Variants in BANK1 observed in about 807,000 individuals in gnomAD.
The protein encoded by BANK1 is B cell scaffold protein with ankyrin repeats 1, also known as B-cell scaffold protein with ankyrin repeats.
BANK1 carries 95 observed loss-of-function variants against 94.5 expected under a neutral mutation model. That is an observed-to-expected ratio of 1.00 (90% CI 0.85 to 1.19). The LOEUF (loss-of-function observed/expected upper bound fraction) is 1.19, where lower values mean the gene tolerates loss of function less well. Ranked by LOEUF, BANK1 falls within the 50% of genes most tolerant of loss-of-function variation. The pLI, the probability that BANK1 is intolerant of heterozygous loss-of-function variation, is 0.00. For missense variants in BANK1, 987 were observed against 932.2 expected (o/e 1.06, Z -0.77); for synonymous variants, 334 against 308.4 (o/e 1.08, Z -0.87).
At chr4:102,065,164 C>T (rs766560851) in intron 13 of BANK1, among the ~76,000 whole-genome samples, 1 of 152,102 alleles carries the variant, frequency 6.6e-6, no homozygotes. Context: ...GAGATCTTAA[C>T]ACCTCCATAA....
chr4:101,841,344 G>A (rs1402560609), intron 2 of BANK1, among the ~76,000 whole-genome samples: 3 of 152,074 alleles, frequency 2.0e-5, no homozygotes, highest in African/African-American at 7.2e-5. Flanking sequence ...CTGTTTAAAA[G>A]TTGAGAGAAT....
At chr4:101,853,013 C>A (rs1042642515) in intron 2 of BANK1, among the ~76,000 whole-genome samples, 8 of 152,034 alleles carry the variant, frequency 5.3e-5, no homozygotes, top group African/African-American at 1.9e-4. Flanking sequence ...TTTATACAAC[C>A]TTTCACTGTT....
At chr4:101,901,691 T>A (rs1233255708) in intron 6 of BANK1, among the ~76,000 whole-genome samples, 1 of 151,874 alleles carries the variant, frequency 6.6e-6, no homozygotes, top group Admixed American at 6.6e-5. Context: ...AAGAGGCAGA[T>A]GATAAAAAGC....
At chr4:101,951,633 G>A (rs1724158091) in intron 7 of BANK1, among the ~76,000 whole-genome samples, 1 of 151,996 alleles carries the variant, frequency 6.6e-6, no homozygotes, top group South Asian at 2.1e-4. Context: ...ATATAATGCG[G>A]ATGTTTATGG....
At chr4:101,867,765 T>TATAA (rs59989392) in intron 4 of BANK1, among the ~76,000 whole-genome samples, 48,348 of 147,488 alleles carry the variant, frequency 0.33, 8,184 homozygotes, top group African/African-American at 0.35. Flanking sequence ...AAAAAATAAA[T>TATAA]ATAAATAAAT....
At chr4:102,052,579 C>A (rs1055225422) in intron 11 of BANK1, among the ~76,000 whole-genome samples, 5 of 151,998 alleles carry the variant, frequency 3.3e-5, no homozygotes, top group Non-Finnish European at 7.4e-5. Flanking sequence ...ATCAAAAGCA[C>A]CAAGCTATCA....
chr4:102,072,536 G>A, intron 15 of BANK1, 136 bp downstream of exon 15: 1 of 569,618 alleles, frequency 1.8e-6, no homozygotes, highest in Non-Finnish European at 3.0e-6. Flanking sequence ...GTGTGCCTTT[G>A]TGTGCAAAAT....
intron 11 of BANK1, among the ~76,000 whole-genome samples, chr4:102,045,821 T>C (rs1394125657): frequency 6.6e-6 from 1 of 151,976 alleles, no homozygotes; most frequent in Non-Finnish European, 1.5e-5. Context: ...GAACATTTCA[T>C]GCTCATGGGT....
At chr4:102,031,724 A>T (rs185187015) in intron 10 of BANK1, among the ~76,000 whole-genome samples, 4 of 152,198 alleles carry the variant, frequency 2.6e-5, no homozygotes, top group African/African-American at 9.6e-5. Flanking sequence ...AATATGCAAC[A>T]CAAGAACATT....
At chr4:101,910,065 C>T (rs566758085) in intron 6 of BANK1, among the ~76,000 whole-genome samples, 2 of 152,186 alleles carry the variant, frequency 1.3e-5, no homozygotes, top group Admixed American at 1.3e-4. Context: ...TTGTTAGAAC[C>T]AAGCCCCTGT....
At chr4:101,955,948 T>A (rs1361902964) in intron 7 of BANK1, among the ~76,000 whole-genome samples, 1 of 152,174 alleles carries the variant, frequency 6.6e-6, no homozygotes, top group Non-Finnish European at 1.5e-5. Context: ...AAATAATTGA[T>A]GTAGAACATA....
chr4:101,873,496 A>T (rs765380363), intron 5 of BANK1, among the ~76,000 whole-genome samples: 10 of 152,116 alleles, frequency 6.6e-5, no homozygotes, highest in Non-Finnish European at 1.2e-4. Context: ...GTAATAAGAG[A>T]CCTTGTATTA....
At chr4:101,966,037 C>A (rs1441681515) in intron 7 of BANK1, among the ~76,000 whole-genome samples, 1 of 152,038 alleles carries the variant, frequency 6.6e-6, no homozygotes, top group Non-Finnish European at 1.5e-5. Flanking sequence ...TTATCAGAAG[C>A]CTTTCCTAAC....
intron 5 of BANK1, among the ~76,000 whole-genome samples, chr4:101,890,166 A>G (rs1461224073): frequency 6.6e-6 from 1 of 152,088 alleles, no homozygotes; most frequent in Middle Eastern, 3.2e-3. Context: ...ATGTATGTGG[A>G]TTGATGCTGA....
chr4:101,971,619 T>C (rs535055506), intron 7 of BANK1, among the ~76,000 whole-genome samples: 4 of 152,134 alleles, frequency 2.6e-5, no homozygotes, highest in African/African-American at 9.7e-5. Context: ...GTTTACAGTT[T>C]CTGGTTTTAC....
At chr4:101,898,748 C>T (rs1442467823) in intron 6 of BANK1, among the ~76,000 whole-genome samples, 3 of 152,008 alleles carry the variant, frequency 2.0e-5, no homozygotes, top group Non-Finnish European at 2.9e-5. Flanking sequence ...TTTCCTGCCA[C>T]TTCATTTATA....
At chr4:101,850,014 C>T (rs570849171) in intron 2 of BANK1, among the ~76,000 whole-genome samples, 2 of 152,288 alleles carry the variant, frequency 1.3e-5, no homozygotes, top group South Asian at 4.1e-4. Context: ...GGAACAGTTT[C>T]TCACTCACAG....
chr4:101,878,644 A>G (rs900101355), intron 5 of BANK1, among the ~76,000 whole-genome samples: 5 of 152,222 alleles, frequency 3.3e-5, no homozygotes, highest in Admixed American at 6.5e-5. Context: ...CAAGAGCTGT[A>G]GAATACACAT....
At chr4:101,907,528 C>G (rs1238593099) in intron 6 of BANK1, among the ~76,000 whole-genome samples, 1 of 152,136 alleles carries the variant, frequency 6.6e-6, no homozygotes, top group African/African-American at 2.4e-5. Context: ...CACTCCTATT[C>G]AACATAGTGT....
Sources: gnomAD v4.1 joint callset for allele counts (sites outside exome capture counted in the v4.1 genomes callset) on GRCh38, gnomAD v4.1.1 for gene constraint, MANE v1.5 for transcripts, NCBI Gene and HGNC (gene_info 2026-07-23, HGNC 2026-07-21) for gene names.